The following SYT6 variants were observed in gnomAD, a reference collection of about 807,000 sequenced individuals.
SYT6 encodes synaptotagmin 6.
In SYT6, 24 loss-of-function variants were observed where a neutral mutation model predicts 38.4. The ratio of observed to expected loss-of-function variants is 0.62; its 90% CI spans 0.45 to 0.88. The LOEUF (loss-of-function observed/expected upper bound fraction) is 0.88. Among genes scored for constraint, SYT6 ranks in the 40% least tolerant of loss-of-function variants. The pLI is 0.00. For synonymous variants in SYT6, 265 were observed against 241.9 expected (o/e 1.10, Z -0.89); for missense variants, 611 against 621.0 (o/e 0.98, Z 0.17).
At chr1:114,107,717 T>A (rs180939684) in intron 3 of SYT6, among the ~76,000 whole-genome samples, 1 of 152,336 alleles carries the variant, frequency 6.6e-6, no homozygotes, top group Admixed American at 6.5e-5. Context: ...ACTCTCTCTC[T>A]CTGGAAAGCC....
Position 114,128,025 on chromosome 1 carries a change from G to A in SYT6, c.1071+9470C>T, listed in dbSNP as rs567505285. Among the ~76,000 whole-genome samples the A allele has an allele frequency of 6.6e-5, 10 of 152,308 alleles. No homozygotes were observed. The East Asian group carries it at 1.9e-3, about 29-fold the overall frequency. On this transcript the variant is annotated intron_variant, in intron 3 of 7. Coordinates refer to ENST00000610222, the MANE Select transcript of SYT6 (RefSeq NM_001253772.2). ...CCAGGCAGCTGGGAGGGCCACTGCTGGGCTCACTTGGACTGCTCAAAGAGG... is the reference window on the plus strand; with the variant it reads ...CCAGGCAGCTGGGAGGGCCACTGCTAGGCTCACTTGGACTGCTCAAAGAGG...
chr1:114,133,221 G>T (rs1314642805), intron 3 of SYT6, among the ~76,000 whole-genome samples: 1 of 152,056 alleles, frequency 6.6e-6, no homozygotes, highest in Non-Finnish European at 1.5e-5. Flanking sequence ...TAAACTAGTA[G>T]GGACCTGGTA....
Position 114,115,729 on chromosome 1 carries a change from C to G in SYT6, c.1072-12008G>C, listed in dbSNP as rs557120866. Among the ~76,000 whole-genome samples, 4 of 152,212 alleles carry G rather than the reference C, an allele frequency of 2.6e-5. No individual in the cohort carries two copies. In the South Asian group the frequency reaches 6.2e-4, roughly 24 times the overall value. ...TGCACCCAGCTCTTAACACATATTA[C>G]GTTCATTTTACTCATACTCTATGCC... On this transcript the variant is annotated intron_variant, in intron 3 of 7. Coordinates refer to ENST00000610222, the MANE Select transcript of SYT6 (RefSeq NM_001253772.2).
At chr1:114,117,844 A>G (rs1337325141) in intron 3 of SYT6, among the ~76,000 whole-genome samples, 1 of 152,254 alleles carries the variant, frequency 6.6e-6, no homozygotes, top group South Asian at 2.1e-4. Context: ...CCGTAAAATG[A>G]GAGCATTGTA....
At chr1:114,116,594 G>A (rs945688478) in intron 3 of SYT6, among the ~76,000 whole-genome samples, 1 of 152,150 alleles carries the variant, frequency 6.6e-6, no homozygotes, top group Non-Finnish European at 1.5e-5. Context: ...AGTTGAAGGT[G>A]TCAGATCTCA....
At chr1:114,111,653 G>C (rs1676684491) in intron 3 of SYT6, among the ~76,000 whole-genome samples, 1 of 108,376 alleles carries the variant, frequency 9.2e-6, no homozygotes, top group African/African-American at 3.2e-5. Flanking sequence ...CTGGGGTTGT[G>C]CTCCCATTGC....
chr1:114,129,347 C>T (rs1336670824), intron 3 of SYT6, among the ~76,000 whole-genome samples: 1 of 152,150 alleles, frequency 6.6e-6, no homozygotes, highest in Non-Finnish European at 1.5e-5. Flanking sequence ...AGTCTAGTCC[C>T]CGCCCATCAG....
Position 114,091,172 on chromosome 1 carries a change from G to A in SYT6, c.*962C>T, listed in dbSNP as rs776644760. 2 of 152,756 alleles carry A rather than the reference G, an allele frequency of 1.3e-5. No individual in the cohort carries two copies. The highest frequency in any genetic ancestry group is 2.4e-5 in the African/African-American group (1 of 41,444). The allele number at this position is 152,756 out of a possible 1,614,324, so 9.5% of individuals were successfully genotyped here. A position where few individuals can be genotyped will look rare whatever the true frequency, so the allele number is the denominator to read the frequency against. ...ATACTTCATGGAATTATAAAGCTAT[G>A]TATAATGCAGAAATCATTCCAGAAC... On this transcript the variant is annotated 3_prime_UTR_variant, in exon 8 of 8. Transcript: ENST00000610222.
chr1:114,140,444 C>CT (rs1355769501), intron 1 of SYT6, among the ~76,000 whole-genome samples: 9 of 152,044 alleles, frequency 5.9e-5, no homozygotes, highest in African/African-American at 1.4e-4. Context: ...GGTGTGATAC[C>CT]TTGGGGGGCA....
chr1:114,113,557 C>T (rs1193837266), intron 3 of SYT6, among the ~76,000 whole-genome samples: 1 of 152,198 alleles, frequency 6.6e-6, no homozygotes, highest in East Asian at 1.9e-4. Flanking sequence ...CAACCTGGCC[C>T]ATCCATCCAC....
intron 3 of SYT6, among the ~76,000 whole-genome samples, chr1:114,109,969 C>A (rs993565388): frequency 6.6e-6 from 1 of 152,142 alleles, no homozygotes; most frequent in Non-Finnish European, 1.5e-5. Flanking sequence ...GTGTTCGGGG[C>A]GCATGAGAGG....
chr1:114,152,792 G>C lies in SYT6; in HGVS notation c.163+818C>G, dbSNP rs1433542782. Reference sequence around the variant, plus strand: ...CGCTCCGGCGAGCTCGACTCAGCTCGGGCTCCCGCCTCGGCTAGGCAGCCG... The same window carrying C: ...CGCTCCGGCGAGCTCGACTCAGCTCCGGCTCCCGCCTCGGCTAGGCAGCCG... On this transcript the variant is annotated intron_variant, in intron 1 of 7. Transcript: ENST00000610222. The C allele has an allele frequency of 2.0e-5, 3 of 152,194 alleles. No individual in the cohort carries two copies. In the East Asian group the frequency reaches 5.8e-4, roughly 29 times the overall value. 9.4% of individuals were successfully genotyped at this position (152,194 alleles called of 1,614,324 possible). A position where few individuals can be genotyped will look rare whatever the true frequency, so the allele number is the denominator to read the frequency against.
chr1:114,136,181 A>G (rs1678474128), intron 3 of SYT6, among the ~76,000 whole-genome samples: 1 of 152,146 alleles, frequency 6.6e-6, no homozygotes, highest in African/African-American at 2.4e-5. Flanking sequence ...AGAGCCCACT[A>G]AGCTTTCTCT....
intron 3 of SYT6, among the ~76,000 whole-genome samples, chr1:114,107,920 G>A (rs1209161868): frequency 6.6e-6 from 1 of 152,354 alleles, no homozygotes; most frequent in African/African-American, 2.4e-5. Flanking sequence ...TTCACCTGCT[G>A]TCAGGAGAGG....
chr1:114,107,740 G>A (rs759825626), intron 3 of SYT6, among the ~76,000 whole-genome samples: 8 of 152,186 alleles, frequency 5.3e-5, no homozygotes, highest in Non-Finnish European at 7.3e-5. Context: ...GCCCCAGCTC[G>A]GCCCTCACCA....
intron 3 of SYT6, among the ~76,000 whole-genome samples, chr1:114,111,158 T>C (rs886868633): frequency 1.7e-4 from 26 of 152,210 alleles, no homozygotes; most frequent in Non-Finnish European, 8.8e-5. Context: ...CTCGCCTTTC[T>C]AGCCAGCCTC....
intron 3 of SYT6, among the ~76,000 whole-genome samples, chr1:114,118,150 C>T (rs531189702): frequency 9.8e-5 from 15 of 152,318 alleles, no homozygotes; most frequent in Admixed American, 9.8e-4. Flanking sequence ...CCAGGAAGTA[C>T]AGAGCTCTTT....
intron 3 of SYT6, among the ~76,000 whole-genome samples, chr1:114,134,341 C>A (rs1219953990): frequency 1.3e-5 from 2 of 152,202 alleles, no homozygotes; most frequent in Non-Finnish European, 2.9e-5. Flanking sequence ...TCAATTCCAA[C>A]TGCTTCTTTA....
chr1:114,090,262 A>G lies in SYT6; in HGVS notation c.*1872T>C, dbSNP rs1266054432. On this transcript the variant is annotated 3_prime_UTR_variant, in exon 8 of 8. Transcript: ENST00000610222. ...TTCTCACTCTCAGGAGAACACCCAA[A>G]TGTAGGACTACCAGACTAGGAAGGC... The G allele has an allele frequency of 6.6e-6, 1 of 152,358 alleles. No individual in the cohort carries two copies. Among genetic ancestry groups the G allele is most frequent in the Non-Finnish European group, 1.5e-5 (1 of 68,050 alleles). 9.4% of individuals were successfully genotyped at this position (152,358 alleles called of 1,614,324 possible). A position where few individuals can be genotyped will look rare whatever the true frequency, so the allele number is the denominator to read the frequency against.
Sources: gnomAD v4.1 joint callset for allele counts (sites outside exome capture counted in the v4.1 genomes callset) on GRCh38, gnomAD v4.1.1 for gene constraint, MANE v1.5 for transcripts, NCBI Gene and HGNC (gene_info 2026-07-23, HGNC 2026-07-21) for gene names.